MTUS2: variants seen among roughly 807,000 people sequenced by gnomAD.
MTUS2 encodes the protein microtubule associated scaffold protein 2.
Under a neutral mutation model 114.1 loss-of-function variants are expected in MTUS2, and 40 were observed. The observed-to-expected ratio is 0.35, with a 90% CI of 0.27 to 0.46. The LOEUF (loss-of-function observed/expected upper bound fraction) is 0.46, where lower values mean the gene tolerates loss of function less well. Among genes scored for constraint, MTUS2 ranks in the 20% least tolerant of loss-of-function variants. MTUS2 has a pLI of 1.00. For synonymous variants in MTUS2, 688 were observed against 672.0 expected, an observed-to-expected ratio of 1.02 and a Z score of -0.37; for missense variants, 1,679 against 1,705.4, an observed-to-expected ratio of 0.98 and a Z score of 0.27.
chr13:29,390,427 G>A (rs1346612809), intron 8 of MTUS2, among the ~76,000 whole-genome samples: 4 of 151,838 alleles, frequency 2.6e-5, no homozygotes, highest in Admixed American at 6.6e-5. Context: ...GCCGAGGCAG[G>A]TGGATCACTT....
intron 5 of MTUS2, among the ~76,000 whole-genome samples, chr13:29,152,973 C>T (rs1465326723): frequency 6.6e-6 from 1 of 152,122 alleles, no homozygotes; most frequent in Non-Finnish European, 1.5e-5. Context: ...ATTTTCTTTT[C>T]TGGGAGGCTT....
chr13:29,434,931 T>C (rs1228099670), intron 8 of MTUS2, among the ~76,000 whole-genome samples: 1 of 152,222 alleles, frequency 6.6e-6, no homozygotes, highest in African/African-American at 2.4e-5. Context: ...TTGGGAGCCA[T>C]GTCTAAAAAG....
chr13:29,162,273 C>CA (rs1893130276), intron 5 of MTUS2, among the ~76,000 whole-genome samples: 1 of 152,146 alleles, frequency 6.6e-6, no homozygotes, highest in Admixed American at 6.5e-5. Context: ...TCTGGGTGAA[C>CA]GTGAATTTTA....
chr13:29,129,251 C>T (rs1216649378), intron 5 of MTUS2, among the ~76,000 whole-genome samples: 1 of 148,218 alleles, frequency 6.7e-6, no homozygotes, highest in African/African-American at 2.5e-5. Context: ...GACTGGCTGT[C>T]ATTTAGCTCT....
intron 4 of MTUS2, chr13:29,072,061 A>G (rs1888965670): frequency 1.3e-5 from 2 of 152,064 alleles, no homozygotes; most frequent in South Asian, 2.1e-4. Context: ...TTCTTCTTCT[A>G]CTGCAGCATT....
At chr13:29,341,540 T>C (rs1179095884) in intron 7 of MTUS2, among the ~76,000 whole-genome samples, 1 of 152,206 alleles carries the variant, frequency 6.6e-6, no homozygotes, top group Non-Finnish European at 1.5e-5. Context: ...TTCTGGATGT[T>C]AGTCCTTTGT....
intron 9 of MTUS2, among the ~76,000 whole-genome samples, chr13:29,458,566 T>C (rs1242413126): frequency 3.3e-5 from 5 of 152,102 alleles, no homozygotes; most frequent in Non-Finnish European, 7.4e-5. Flanking sequence ...CTTTCCATGA[T>C]CTCTCTGATG....
chr13:28,999,679 T>G (rs1426475094), intron 2 of MTUS2, among the ~76,000 whole-genome samples: 1 of 152,220 alleles, frequency 6.6e-6, no homozygotes, highest in Non-Finnish European at 1.5e-5. Flanking sequence ...TGTATTATTG[T>G]TAACTGTAGT....
chr13:29,354,177 A>T (rs1483718028), intron 7 of MTUS2, among the ~76,000 whole-genome samples: 1 of 151,252 alleles, frequency 6.6e-6, no homozygotes, highest in African/African-American at 2.4e-5. Context: ...ACTCTCAGGG[A>T]TCACTGTGCT....
Position 29,359,362 on chromosome 13 carries a change from G to A in MTUS2, c.3006G>A (p.Lys1002=). 1 of 1,612,908 alleles carries A rather than the reference G, an allele frequency of 6.2e-7. No individual in the cohort carries two copies. Among genetic ancestry groups the A allele is most frequent in the South Asian group, 1.1e-5 (1 of 90,792 alleles). ...AGCGGCAGCTGGTGCTGCGGCTGAA[G>A]GAGCGGTGTGAGCAGCAGACCAGAC... ...EAERQLVLRL[K]ERCEQQTRQL... is the part of the protein sequence containing the mutation. The change falls in exon 8 of 16, where the codon AAG becomes AAA. Residue 1002 remains lysine (K), a synonymous_variant. Transcript: ENST00000612955.
chr13:28,903,484 A>G (rs1383914479), intron 2 of MTUS2, among the ~76,000 whole-genome samples: 55 of 138,322 alleles, frequency 4.0e-4, no homozygotes, highest in Admixed American at 5.7e-4. Context: ...TCATTGTTCA[A>G]TTCCCACCTA....
chr13:29,367,310 T>C (rs1870802247), intron 8 of MTUS2, among the ~76,000 whole-genome samples: 1 of 151,842 alleles, frequency 6.6e-6, no homozygotes, highest in Non-Finnish European at 1.5e-5. Flanking sequence ...AGCGGTGCAG[T>C]GTGGGGAGAG....
At chr13:29,315,274 A>G (rs1213631268) in intron 6 of MTUS2, among the ~76,000 whole-genome samples, 7 of 152,198 alleles carry the variant, frequency 4.6e-5, no homozygotes, top group African/African-American at 1.7e-4. Flanking sequence ...ACTCTAGTTA[A>G]TTATACACTA....
chr13:29,458,729 TC>T (rs1407311504), intron 9 of MTUS2, among the ~76,000 whole-genome samples: 2 of 152,132 alleles, frequency 1.3e-5, no homozygotes, highest in Admixed American at 1.3e-4. Context: ...CACTGCACAC[TC>T]CCCACCTCAA....
chr13:29,141,845 T>TTTGGTGA (rs1892233149), intron 5 of MTUS2, among the ~76,000 whole-genome samples: 2 of 151,934 alleles, frequency 1.3e-5, no homozygotes, highest in African/African-American at 2.4e-5. Context: ...CAGCTTGAAG[T>TTTGGTGA]CTAAATGGGG....
chr13:29,058,205 A>ATTT lies in MTUS2; in HGVS notation c.2446+24091_2446+24093dup, dbSNP rs149316720. Among the ~76,000 whole-genome samples the ATTT allele has an allele frequency of 7.0e-3, 973 of 138,830 alleles. 5 individuals carry two copies. Among genetic ancestry groups the ATTT allele is most frequent in the South Asian group, 0.017 (75 of 4,424 alleles). The allele number at this position is 138,830 out of a possible 152,430, so 91.1% of individuals were successfully genotyped here. On this transcript the variant is annotated intron_variant, in intron 4 of 15. Transcript: ENST00000612955. ...CTTTTTCTCTCTAGCTGCCTTTAAC[A>ATTT]TTTTTTTTTTTTTCATTTTGACTTT...
At chr13:29,327,170 T>A (rs1464805286) in intron 7 of MTUS2, among the ~76,000 whole-genome samples, 1 of 152,082 alleles carries the variant, frequency 6.6e-6, no homozygotes, top group Non-Finnish European at 1.5e-5. Flanking sequence ...AAAATTAATA[T>A]TTATACCAAA....
At chr13:29,071,131 A>C (rs1341118233) in intron 4 of MTUS2, among the ~76,000 whole-genome samples, 1 of 151,190 alleles carries the variant, frequency 6.6e-6, no homozygotes, top group African/African-American at 2.4e-5. Context: ...CAGCCTCCTG[A>C]GTAGCTGGGA....
At chr13:29,068,038 T>C (rs1356172535) in intron 4 of MTUS2, among the ~76,000 whole-genome samples, 1 of 152,176 alleles carries the variant, frequency 6.6e-6, no homozygotes, top group Non-Finnish European at 1.5e-5. Context: ...ACCAAGGAAG[T>C]TTAAATCAAA....
Sources: gnomAD v4.1 joint callset for allele counts (sites outside exome capture counted in the v4.1 genomes callset) on GRCh38, gnomAD v4.1.1 for gene constraint, MANE v1.5 for transcripts, NCBI Gene and HGNC (gene_info 2026-07-23, HGNC 2026-07-21) for gene names.